NEURL3: variants seen among roughly 807,000 people sequenced by gnomAD.
NEURL3 encodes E3 ubiquitin-protein ligase NEURL3.
Under a neutral mutation model 17.6 loss-of-function variants are expected in NEURL3, and 19 were observed. The observed-to-expected ratio is 1.08, with a 90% CI of 0.75 to 1.58. The LOEUF (loss-of-function observed/expected upper bound fraction) is 1.58, where lower values mean the gene tolerates loss of function less well. Among genes scored for constraint, NEURL3 ranks in the 40% most tolerant of loss-of-function variants. NEURL3 has a pLI of 0.00. For synonymous variants in NEURL3, 180 were observed against 161.4 expected (o/e 1.11, Z -0.87); for missense variants, 342 against 379.6 (o/e 0.90, Z 0.82).
intron 1 of NEURL3, among the ~76,000 whole-genome samples, chr2:96,502,787 C>T (rs2065522793): frequency 1.3e-5 from 2 of 152,240 alleles, no homozygotes; most frequent in South Asian, 4.1e-4. Flanking sequence ...GCCCTCTCTA[C>T]AAACTGCCAC....
upstream of NEURL3, among the ~76,000 whole-genome samples, chr2:96,507,509 G>C (rs944651977): frequency 5.9e-5 from 9 of 152,186 alleles, no homozygotes; most frequent in Non-Finnish European, 1.2e-4. Context: ...CTGTGGCCCA[G>C]ACTGGAGTGC....
intron 1 of NEURL3, among the ~76,000 whole-genome samples, chr2:96,501,854 T>C (rs2065511062): frequency 6.6e-6 from 1 of 151,994 alleles, no homozygotes; most frequent in African/African-American, 2.4e-5. Context: ...TGTTTGCTGT[T>C]GAAAATAAAA....
At chr2:96,507,798 C>T (rs2065572837), upstream of NEURL3, 1 of 152,284 alleles carries the variant, frequency 6.6e-6, no homozygotes, top group Non-Finnish European at 1.5e-5. Context: ...ACTTACCTGA[C>T]AGTCCTCATG....
At chr2:96,506,322 C>T (rs180770931), upstream of NEURL3, among the ~76,000 whole-genome samples, 221 of 152,320 alleles carry the variant, frequency 1.5e-3, 1 homozygote, top group Non-Finnish European at 2.2e-3. Flanking sequence ...CCTCCCACCT[C>T]AGCCTCCTGA....
At chr2:96,503,942 G>A (rs1300296127) in intron 1 of NEURL3, among the ~76,000 whole-genome samples, 2 of 152,214 alleles carry the variant, frequency 1.3e-5, no homozygotes, top group Non-Finnish European at 2.9e-5. Flanking sequence ...CTCTTTCTAT[G>A]GGTCCTGTTT....
upstream of NEURL3, among the ~76,000 whole-genome samples, chr2:96,507,514 G>A (rs142682766): frequency 6.6e-6 from 1 of 152,150 alleles, no homozygotes; most frequent in Non-Finnish European, 1.5e-5. Context: ...GCCCAGACTG[G>A]AGTGCAGTGG....
Position 96,500,740 on chromosome 2 carries a change from G to C in NEURL3, c.213C>G (p.Gly71=), listed in dbSNP as rs769067155. The change falls in exon 2 of 4, where the codon GGC becomes GGG. Residue 71 remains glycine, a synonymous_variant. Coordinates refer to ENST00000451794, the MANE Select transcript of NEURL3 (RefSeq NM_001285485.2). ...AGCCCACGCGGAGGCCGCCGCACCAGCCGCTCTCCTCCCGCAGCACTCGCA... is the reference window on the plus strand; with the variant it reads ...AGCCCACGCGGAGGCCGCCGCACCACCCGCTCTCCTCCCGCAGCACTCGCA... ...VALRVLREES[G]WCGGLRVGFT... 6.1e-5 allele frequency: 92 copies of C among 1,520,338 alleles called. No individual in the cohort carries two copies. In the South Asian group the frequency reaches 1.1e-3, roughly 18 times the overall value. 94.2% of individuals were successfully genotyped at this position (1,520,338 alleles called of 1,614,324 possible).
At chr2:96,504,428 G>A (rs969733506) in intron 1 of NEURL3, 1 of 152,282 alleles carries the variant, frequency 6.6e-6, no homozygotes, top group Non-Finnish European at 1.5e-5. Context: ...CACCATTACT[G>A]TGACAGCAGC....
At position 96,500,259 on chromosome 2, in the gene NEURL3, C is replaced by T. The variant is rs1224791780; in HGVS notation, c.514+180G>A. On this transcript the variant is annotated intron_variant, in intron 2 of 3. Transcript: ENST00000451794. Reference sequence around the variant, plus strand: ...CATTCTTTAGGGACAAGACTGCCCTCCCTACGACTGAGCCTTGTCTATCTG... The same window carrying T: ...CATTCTTTAGGGACAAGACTGCCCTTCCTACGACTGAGCCTTGTCTATCTG... 34 of 816,748 alleles carry T rather than the reference C, an allele frequency of 4.2e-5. No homozygotes were observed. In the East Asian group the frequency reaches 9.3e-4, roughly 22 times the overall value. The allele number at this position is 816,748 out of a possible 1,614,324, so 50.6% of individuals were successfully genotyped here. A position where few individuals can be genotyped will look rare whatever the true frequency, so the allele number is the denominator to read the frequency against.
In NEURL3 at chr2:96,503,637, G is replaced by A. The variant is rs149106733; in HGVS notation, c.28+1622C>T. On this transcript the variant is annotated intron_variant, in intron 1 of 3. Transcript: ENST00000451794. Reference sequence around the variant, plus strand: ...CCACCAGCCTGGCAAGGGCCCACAGGACCGTGTCCACCGACTTCATACAGG... The same window carrying A: ...CCACCAGCCTGGCAAGGGCCCACAGAACCGTGTCCACCGACTTCATACAGG... Among the ~76,000 whole-genome samples, 391 of 152,256 alleles carry A rather than the reference G, an allele frequency of 2.6e-3. 1 individual carries two copies. Among genetic ancestry groups the A allele is most frequent in the African/African-American group, 8.8e-3 (365 of 41,546 alleles).
At chr2:96,507,416 AT>A (rs752271076), upstream of NEURL3, among the ~76,000 whole-genome samples, 17 of 152,054 alleles carry the variant, frequency 1.1e-4, no homozygotes, top group Non-Finnish European at 2.1e-4. Context: ...GTGGGGAAAG[AT>A]TTTACTTTTG....
upstream of NEURL3, among the ~76,000 whole-genome samples, chr2:96,506,651 G>C (rs760597482): frequency 3.9e-5 from 6 of 152,280 alleles, no homozygotes; most frequent in Non-Finnish European, 4.4e-5. Context: ...GCTAGTGCCA[G>C]GTACGTCTCC....
chr2:96,500,668 G>C lies in NEURL3; in HGVS notation c.285C>G (p.Pro95=). 2.6e-6 allele frequency: 4 copies of C among 1,519,294 alleles called. No individual in the cohort carries two copies. The highest frequency in any genetic ancestry group is 3.5e-6 in the Non-Finnish European group (4 of 1,140,614). The allele number at this position is 1,519,294 out of a possible 1,614,324, so 94.1% of individuals were successfully genotyped here. A position where few individuals can be genotyped will look rare whatever the true frequency, so the allele number is the denominator to read the frequency against. The part of the protein sequence containing the change: ...PACVSVPSLP[P]FLCPDLEEQS... ...GCTCCTCCAGGTCGGGGCACAGGAA[G>C]GGCGGCAGGCTGGGCACGGACACGC... is the stretch of plus-strand genomic sequence containing the variant. The change falls in exon 2 of 4, where the codon CCC becomes CCG. Residue 95 remains proline (P), a synonymous_variant. Transcript: ENST00000451794.
intron 1 of NEURL3, among the ~76,000 whole-genome samples, chr2:96,504,080 G>A (rs970164026): frequency 6.6e-6 from 1 of 152,174 alleles, no homozygotes; most frequent in Non-Finnish European, 1.5e-5. Flanking sequence ...CAGGGCCTCT[G>A]GGGTGTCTCT....
In NEURL3 at chr2:96,498,539, T is replaced by C; in HGVS notation, c.587-93A>G. ...CCACAGAGAATGACAGAGAAACATG[T>C]AGCTATATTTTGAAGAATGTTACCT... On this transcript the variant is annotated intron_variant, in intron 3 of 3. Transcript: ENST00000451794. This position sits in a 1 kb window ranked among gnomAD's most constrained non-coding sequence, Gnocchi z 4.4. 8.9e-7 allele frequency: 1 copy of C among 1,125,950 alleles called. No homozygotes were observed. The highest frequency in any genetic ancestry group is 2.7e-5 in the Admixed American group (1 of 37,380). 69.7% of individuals were successfully genotyped at this position (1,125,950 alleles called of 1,614,324 possible). A position where few individuals can be genotyped will look rare whatever the true frequency, so the allele number is the denominator to read the frequency against.
At chr2:96,502,740 A>C (rs535901823) in intron 1 of NEURL3, among the ~76,000 whole-genome samples, 6 of 152,326 alleles carry the variant, frequency 3.9e-5, no homozygotes, top group Non-Finnish European at 5.9e-5. Flanking sequence ...ATGGCCCTGG[A>C]CGAGGGGCGG....
chr2:96,501,037 C>T, intron 1 of NEURL3, 113 bp from the exon 2 acceptor site: 2 of 1,291,302 alleles, frequency 1.5e-6, no homozygotes, highest in Non-Finnish European at 2.0e-6. Flanking sequence ...TTGACCTTCC[C>T]CTAGGGACCA....
chr2:96,504,954 G>A lies in NEURL3; in HGVS notation c.28+305C>T, dbSNP rs576611104. Reference sequence around the variant, plus strand: ...GGCTCTTCCACTACGGGACACCTGTGGCCTCAGGTGAGGCTTGCAGAGAAC... The same window carrying A: ...GGCTCTTCCACTACGGGACACCTGTAGCCTCAGGTGAGGCTTGCAGAGAAC... On this transcript the variant is annotated intron_variant, in intron 1 of 3. Coordinates refer to ENST00000451794, the MANE Select transcript of NEURL3 (RefSeq NM_001285485.2). 9.9e-5 allele frequency among the ~76,000 whole-genome samples: 15 copies of A among 151,082 alleles called. No individual in the cohort carries two copies. In the East Asian group the frequency reaches 2.3e-3, roughly 24 times the overall value.
intron 1 of NEURL3, among the ~76,000 whole-genome samples, chr2:96,503,606 C>A (rs1057269143): frequency 6.6e-6 from 1 of 152,308 alleles, no homozygotes; most frequent in East Asian, 1.9e-4. Flanking sequence ...GAAACCCACC[C>A]CCGACCCACC....
Sources: gnomAD v4.1 joint callset for allele counts (sites outside exome capture counted in the v4.1 genomes callset) on GRCh38, gnomAD v4.1.1 for gene constraint, Gnocchi (gnomAD v3.1) non-coding constraint, MANE v1.5 for transcripts, NCBI Gene and HGNC (gene_info 2026-07-23, HGNC 2026-07-21) for gene names.